The following XKR4 variants were observed in gnomAD, a reference collection of about 807,000 sequenced individuals.
The protein encoded by XKR4 is XK related 4, also known as XK-related protein 4.
Under a neutral mutation model 53.9 loss-of-function variants are expected in XKR4, and 12 were observed. That is an observed-to-expected ratio of 0.22 (90% CI 0.14 to 0.36). The LOEUF is 0.36. Ranked by LOEUF, XKR4 falls within the 10% of genes least tolerant of loss-of-function variation. XKR4 has a pLI of 1.00. For synonymous variants in XKR4, 354 were observed against 362.4 expected, an observed-to-expected ratio of 0.98 and a Z score of 0.26; for missense variants, 799 against 859.5, an observed-to-expected ratio of 0.93 and a Z score of 0.88.
intron 1 of XKR4, among the ~76,000 whole-genome samples, chr8:55,132,103 G>A (rs910267301): frequency 2.6e-5 from 4 of 152,200 alleles, no homozygotes; most frequent in Non-Finnish European, 4.4e-5. Context: ...GGCAGAGTTT[G>A]GGAACATGGC....
chr8:55,403,669 G>A (rs1804642001), intron 2 of XKR4, among the ~76,000 whole-genome samples: 2 of 152,180 alleles, frequency 1.3e-5, no homozygotes, highest in Admixed American at 1.3e-4. Flanking sequence ...GATGCCTGTC[G>A]ATACAGTTTA....
At chr8:55,288,334 G>GT (rs1438027336) in intron 1 of XKR4, among the ~76,000 whole-genome samples, 1 of 152,194 alleles carries the variant, frequency 6.6e-6, no homozygotes, top group Non-Finnish European at 1.5e-5. Flanking sequence ...CTGTTTTGCA[G>GT]TAATTTTAAA....
intron 1 of XKR4, among the ~76,000 whole-genome samples, chr8:55,156,858 C>A (rs138040487): frequency 3.9e-5 from 6 of 152,308 alleles, no homozygotes; most frequent in Admixed American, 3.9e-4. Context: ...ACCAACAACA[C>A]GTTTCCGTAA....
chr8:55,356,710 G>A (rs1803800848), intron 1 of XKR4, among the ~76,000 whole-genome samples: 1 of 152,180 alleles, frequency 6.6e-6, no homozygotes, highest in South Asian at 2.1e-4. Flanking sequence ...CAGGACGTAA[G>A]TGGAGGTGCA....
At chr8:55,473,887 T>TTCCC (rs1234101349) in intron 2 of XKR4, among the ~76,000 whole-genome samples, 21 of 140,636 alleles carry the variant, frequency 1.5e-4, no homozygotes, top group African/African-American at 5.4e-4. Context: ...TCCTCCCTCC[T>TTCCC]TCCCTCCCTC....
intron 1 of XKR4, among the ~76,000 whole-genome samples, chr8:55,246,655 A>G (rs1331490117): frequency 1.3e-5 from 2 of 149,602 alleles, no homozygotes; most frequent in Non-Finnish European, 2.9e-5. Context: ...AAAACTATTG[A>G]GAGTCATGGG....
chr8:55,108,803 A>T (rs1816190231), intron 1 of XKR4, among the ~76,000 whole-genome samples: 1 of 152,114 alleles, frequency 6.6e-6, no homozygotes, highest in Non-Finnish European at 1.5e-5. Context: ...CCTTTGAATG[A>T]TCTTGGAGGT....
intron 1 of XKR4, among the ~76,000 whole-genome samples, chr8:55,301,110 G>A (rs1819187296): frequency 6.6e-6 from 1 of 150,800 alleles, no homozygotes; most frequent in Non-Finnish European, 1.5e-5. Flanking sequence ...TGGTCATTTA[G>A]CATTAGGTGT....
chr8:55,339,248 C>A (rs1803507710), intron 1 of XKR4, among the ~76,000 whole-genome samples: 1 of 152,182 alleles, frequency 6.6e-6, no homozygotes, highest in Non-Finnish European at 1.5e-5. Context: ...GGCATCTATG[C>A]TCAGCTCCAC....
intron 2 of XKR4, among the ~76,000 whole-genome samples, chr8:55,358,708 T>A (rs906699122): frequency 1.3e-5 from 2 of 152,264 alleles, no homozygotes; most frequent in Non-Finnish European, 2.9e-5. Context: ...GTCAATCCTG[T>A]AACTAAATAG....
At chr8:55,358,347 A>C (rs972769389) in intron 2 of XKR4, among the ~76,000 whole-genome samples, 7 of 152,130 alleles carry the variant, frequency 4.6e-5, no homozygotes, top group African/African-American at 1.7e-4. Flanking sequence ...GAGAAAAAGG[A>C]GATTAAAAGG....
At chr8:55,452,451 G>C in intron 2 of XKR4, 1 of 626,312 alleles carries the variant, frequency 1.6e-6, no homozygotes, top group South Asian at 1.7e-5. Context: ...GCCCGCCCTC[G>C]CACCCTCCTC....
chr8:55,436,668 G>T (rs1240517106), intron 2 of XKR4, among the ~76,000 whole-genome samples: 1 of 152,176 alleles, frequency 6.6e-6, no homozygotes, highest in East Asian at 1.9e-4. Flanking sequence ...ATCAGAAATA[G>T]CTCGGTGTCA....
rs546292010 is a variant in XKR4, at chr8:55,208,537, G to A, written c.806+105243G>A. Reference sequence around the variant, plus strand: ...TCACCCAGGCAGTGGTGCGATCTCCGTTCACTGCAACCTCTGCCTCCCGGG... The same window carrying A: ...TCACCCAGGCAGTGGTGCGATCTCCATTCACTGCAACCTCTGCCTCCCGGG... On this transcript the variant is annotated intron_variant, in intron 1 of 2. Coordinates refer to ENST00000327381, the MANE Select transcript of XKR4 (RefSeq NM_052898.2). 6.6e-5 allele frequency among the ~76,000 whole-genome samples: 10 copies of A among 151,526 alleles called. No homozygotes were observed. In the East Asian group the frequency reaches 1.2e-3, roughly 18 times the overall value.
chr8:55,400,887 C>G (rs1436236167), intron 2 of XKR4, among the ~76,000 whole-genome samples: 1 of 152,172 alleles, frequency 6.6e-6, no homozygotes, highest in Admixed American at 6.5e-5. Context: ...CTACTGAAGG[C>G]CTTAGTATCA....
intron 1 of XKR4, among the ~76,000 whole-genome samples, chr8:55,313,924 C>T (rs1419257999): frequency 3.9e-5 from 6 of 152,204 alleles, no homozygotes; most frequent in Admixed American, 3.9e-4. Context: ...CATTTAAACC[C>T]TGGACACCCA....
chr8:55,320,629 A>G (rs1803195719), intron 1 of XKR4, among the ~76,000 whole-genome samples: 1 of 152,162 alleles, frequency 6.6e-6, no homozygotes, highest in African/African-American at 2.4e-5. Flanking sequence ...TCCTAACATG[A>G]TTTGTGGGGA....
At chr8:55,242,610 C>G (rs1818225768) in intron 1 of XKR4, among the ~76,000 whole-genome samples, 1 of 152,164 alleles carries the variant, frequency 6.6e-6, no homozygotes, top group South Asian at 2.1e-4. Flanking sequence ...ATGCCATTAT[C>G]ACTTTCAAAA....
At chr8:55,307,691 A>C (rs1273064685) in intron 1 of XKR4, among the ~76,000 whole-genome samples, 1 of 152,154 alleles carries the variant, frequency 6.6e-6, no homozygotes, top group Non-Finnish European at 1.5e-5. Context: ...TAGTAAGCTC[A>C]TGAAAAAATG....
Sources: allele counts gnomAD v4.1 joint callset (sites outside exome capture counted in the v4.1 genomes callset), GRCh38; gene constraint gnomAD v4.1.1; transcripts MANE v1.5; gene names NCBI Gene and HGNC (gene_info 2026-07-23, HGNC 2026-07-21).